PRKG1: variants seen among roughly 807,000 people sequenced by gnomAD.
PRKG1 encodes the protein protein kinase cGMP-dependent 1, also known as cGMP-dependent protein kinase 1.
Under a neutral mutation model 88.1 loss-of-function variants are expected in PRKG1, and 35 were observed. The ratio of observed to expected loss-of-function variants is 0.40; its 90% confidence interval spans 0.30 to 0.53. The LOEUF is 0.53. Among genes scored for constraint, PRKG1 ranks in the 20% least tolerant of loss-of-function variants. The probability of loss-of-function intolerance (pLI) is 0.59; values close to 1 mark genes in which losing one functional copy is unlikely to be tolerated. For missense variants in PRKG1, 540 were observed against 839.8 expected, an observed-to-expected ratio of 0.64 and a Z score of 4.41; for synonymous variants, 303 against 292.5, an observed-to-expected ratio of 1.04 and a Z score of -0.37.
At chr10:51,782,633 GT>G in intron 3 of PRKG1, among the ~76,000 whole-genome samples, 1 of 152,238 alleles carries the variant, frequency 6.6e-6, no homozygotes, top group South Asian at 2.1e-4. Flanking sequence ...GAGGGACCTG[GT>G]GGGAGATAAC....
intron 1 of PRKG1, among the ~76,000 whole-genome samples, chr10:51,061,073 G>GTGTGTGTGTGTT (rs1843687269): frequency 6.6e-6 from 1 of 151,970 alleles, no homozygotes; most frequent in Admixed American, 6.6e-5. Flanking sequence ...GTGTGTGTGT[G>GTGTGTGTGTGTT]TGTGTGTGTG....
intron 2 of PRKG1, among the ~76,000 whole-genome samples, chr10:51,275,423 T>C (rs1206041564): frequency 1.3e-5 from 2 of 152,202 alleles, no homozygotes; most frequent in Admixed American, 6.5e-5. Context: ...AAAATCCTAA[T>C]TTTTCTTTGG....
chr10:51,146,564 C>G (rs902880433), intron 1 of PRKG1, among the ~76,000 whole-genome samples: 2 of 151,996 alleles, frequency 1.3e-5, no homozygotes, highest in African/African-American at 4.8e-5. Context: ...TATGAAGAAG[C>G]TTTTTATTTA....
At chr10:51,897,755 G>A (rs1448421791) in intron 4 of PRKG1, among the ~76,000 whole-genome samples, 7 of 151,820 alleles carry the variant, frequency 4.6e-5, no homozygotes, top group Admixed American at 1.3e-4. Flanking sequence ...CTCCTCCTTT[G>A]CTTCCATGCT....
chr10:51,374,092 AAATAT>A (rs1160527550), intron 2 of PRKG1, among the ~76,000 whole-genome samples: 2 of 131,466 alleles, frequency 1.5e-5, no homozygotes, highest in African/African-American at 5.3e-5. Context: ...CAAAAAAAAA[AAATAT>A]ATATATATAT....
intron 5 of PRKG1, among the ~76,000 whole-genome samples, chr10:51,952,690 A>C (rs149413957): frequency 8.9e-4 from 136 of 152,316 alleles, no homozygotes; most frequent in Non-Finnish European, 1.4e-3. Context: ...GTACAGAAAG[A>C]GCACTGTACT....
At chr10:51,852,513 A>G (rs1281732931) in intron 4 of PRKG1, among the ~76,000 whole-genome samples, 1 of 152,088 alleles carries the variant, frequency 6.6e-6, no homozygotes, top group East Asian at 1.9e-4. Context: ...AGCTGGTGAC[A>G]TGTACATCTT....
chr10:51,186,174 G>A (rs1265734948), intron 2 of PRKG1, among the ~76,000 whole-genome samples: 1 of 151,112 alleles, frequency 6.6e-6, no homozygotes, highest in Non-Finnish European at 1.5e-5. Flanking sequence ...TTGTCTTCCA[G>A]GAATAAATAA....
chr10:52,195,643 T>C (rs886977164), intron 9 of PRKG1, among the ~76,000 whole-genome samples: 1 of 152,198 alleles, frequency 6.6e-6, no homozygotes, highest in Non-Finnish European at 1.5e-5. Context: ...GCTTTTAAAT[T>C]TGTTAATTTT....
At chr10:52,108,175 T>A (rs1847470016) in intron 7 of PRKG1, among the ~76,000 whole-genome samples, 1 of 152,222 alleles carries the variant, frequency 6.6e-6, no homozygotes, top group Admixed American at 6.5e-5. Flanking sequence ...GACTCCAGTT[T>A]TTCTGATCCC....
At chr10:52,144,852 A>T (rs1837689089) in intron 8 of PRKG1, among the ~76,000 whole-genome samples, 1 of 152,194 alleles carries the variant, frequency 6.6e-6, no homozygotes, top group Admixed American at 6.6e-5. Flanking sequence ...AATAAACTTT[A>T]GTCTAAAGTA....
chr10:51,272,902 T>C (rs1444154183), intron 2 of PRKG1, among the ~76,000 whole-genome samples: 2 of 152,160 alleles, frequency 1.3e-5, no homozygotes, highest in African/African-American at 4.8e-5. Context: ...AATAATATAA[T>C]AATACTGTCA....
At chr10:51,849,879 A>T (rs1436181848) in intron 4 of PRKG1, among the ~76,000 whole-genome samples, 1 of 152,140 alleles carries the variant, frequency 6.6e-6, no homozygotes, top group African/African-American at 2.4e-5. Flanking sequence ...TAGTTTTTTT[A>T]AAAAAGATCA....
At chr10:51,979,768 T>C (rs1843958086) in intron 5 of PRKG1, among the ~76,000 whole-genome samples, 1 of 152,028 alleles carries the variant, frequency 6.6e-6, no homozygotes, top group Non-Finnish European at 1.5e-5. Context: ...CTAGATTTTC[T>C]AGTGCATGTG....
At chr10:51,780,645 C>T (rs1343337866) in intron 3 of PRKG1, among the ~76,000 whole-genome samples, 2 of 152,014 alleles carry the variant, frequency 1.3e-5, no homozygotes, top group African/African-American at 4.8e-5. Context: ...GTTACCAGTT[C>T]CTCAAATTAA....
rs11450493 is a variant in PRKG1 at position 51,755,011 on chromosome 10, C to CAA, written c.593-49560_593-49559dup. On this transcript the variant is annotated intron_variant, in intron 3 of 17. Transcript: ENST00000373980. Reference sequence around the variant, plus strand: ...TTGGAATAACATCAGAACTCAATTACAAAAAAAAAAAAAAATAGACACACA... The same window carrying CAA: ...TTGGAATAACATCAGAACTCAATTACAAAAAAAAAAAAAAAAATAGACACACA... 7.4e-3 allele frequency among the ~76,000 whole-genome samples: 973 copies of CAA among 130,796 alleles called. 14 individuals carry two copies. The highest frequency in any genetic ancestry group is 0.019 in the African/African-American group (670 of 35,750). 85.8% of individuals were successfully genotyped at this position (130,796 alleles called of 152,430 possible). A position where few individuals can be genotyped will look rare whatever the true frequency, so the allele number is the denominator to read the frequency against.
rs560040276 is a variant in PRKG1, at chr10:52,294,607, A to G, written c.*707A>G. 24 of 152,552 alleles carry G rather than the reference A, an allele frequency of 1.6e-4. No homozygotes were observed. Among genetic ancestry groups the G allele is most frequent in the Non-Finnish European group, 3.4e-4 (23 of 68,004 alleles). 9.4% of individuals were successfully genotyped at this position (152,552 alleles called of 1,614,324 possible). On this transcript the variant is annotated 3_prime_UTR_variant, in exon 18 of 18. Transcript: ENST00000373980. ...TTCACAGAAGACTGAAAAATAATGC[A>G]TGATATTTGTTTGTTTTTTTTGATA...
At chr10:52,072,021 C>T (rs1354774800) in intron 7 of PRKG1, among the ~76,000 whole-genome samples, 8 of 152,094 alleles carry the variant, frequency 5.3e-5, no homozygotes, top group Admixed American at 5.2e-4. Context: ...GACTCAGTCC[C>T]AGTCGCCCTC....
intron 3 of PRKG1, among the ~76,000 whole-genome samples, chr10:51,508,784 C>T (rs543120064): frequency 1.1e-4 from 17 of 152,240 alleles, no homozygotes; most frequent in Non-Finnish European, 2.2e-4. Flanking sequence ...GATCTCTTTA[C>T]CCAAACTGAC....
Sources: gnomAD v4.1 joint callset for allele counts (sites outside exome capture counted in the v4.1 genomes callset) on GRCh38, gnomAD v4.1.1 for gene constraint, MANE v1.5 for transcripts, NCBI Gene and HGNC (gene_info 2026-07-23, HGNC 2026-07-21) for gene names.